APOA4: variants seen among roughly 807,000 people sequenced by gnomAD.
APOA4 encodes apolipoprotein A-IV.
APOA4 carries 25 observed loss-of-function variants against 33.6 expected under a neutral mutation model. That is an observed-to-expected ratio of 0.74 (90% CI 0.54 to 1.04). The LOEUF (loss-of-function observed/expected upper bound fraction) is 1.04, where lower values mean the gene tolerates loss of function less well. Ranked by LOEUF, APOA4 falls within the 50% of genes least tolerant of loss-of-function variation. The pLI is 0.00. For synonymous variants in APOA4, 228 were observed against 224.0 expected (o/e 1.02, Z -0.16); for missense variants, 549 against 510.4 (o/e 1.08, Z -0.73).
Position 116,821,514 on chromosome 11 carries a change from G to A in APOA4, c.544C>T (p.His182Tyr), listed in dbSNP as rs1236609922. The A allele has an allele frequency of 2.5e-6, 4 of 1,613,854 alleles. No homozygotes were observed. In the East Asian group the frequency reaches 8.9e-5, roughly 36 times the overall value. ...ADSLQASLRP[H>Y]ADELKAKIDQ... ...ATCTTGGCCTTGAGCTCGTCGGCGTGGGGCCTCAGCGAGGCCTGCAGGCTG... is the reference window on the plus strand; with the variant it reads ...ATCTTGGCCTTGAGCTCGTCGGCGTAGGGCCTCAGCGAGGCCTGCAGGCTG... The change falls in exon 3 of 3, where the codon CAC (histidine) becomes TAC (tyrosine). Residue 182 changes from histidine to tyrosine, a missense_variant. His to Tyr is a moderately conservative substitution (Grantham distance 83). Transcript: ENST00000357780.
intron 1 of APOA4, 87 bp from the exon 2 acceptor site, chr11:116,822,872 T>G (rs1020894988): frequency 1.3e-5 from 21 of 1,596,712 alleles, no homozygotes; most frequent in Non-Finnish European, 1.5e-5. Context: ...TGGATGATGG[T>G]GGGGGTGCCT....
In APOA4 at chr11:116,821,287, C is replaced by G. The variant is rs759262005; in HGVS notation, c.771G>C (p.Ser257=). ...TCTGCCGCAGCTCCTCGGCACTGGCCGAGATCCTGGCCTTGAGCTCCTCGG... is the reference window on the plus strand; with the variant it reads ...TCTGCCGCAGCTCCTCGGCACTGGCGGAGATCCTGGCCTTGAGCTCCTCGG... ...KNAEELKARI[S]ASAEELRQRL... Residue 257 remains serine, a synonymous_variant, in exon 3 of 3, where the codon TCG becomes TCC. Coordinates refer to ENST00000357780, the MANE Select transcript of APOA4 (RefSeq NM_000482.4). 1.2e-6 allele frequency: 2 copies of G among 1,613,668 alleles called. No individual in the cohort carries two copies. The highest frequency in any genetic ancestry group is 1.7e-6 in the Non-Finnish European group (2 of 1,180,012).
In APOA4 at chr11:116,821,199, TC is replaced by T; in HGVS notation, c.858del (p.Lys287SerfsTer54). 6.2e-7 allele frequency: 1 copy of T among 1,613,340 alleles called. No individual in the cohort carries two copies. The highest frequency in any genetic ancestry group is 1.7e-5 in the Admixed American group (1 of 60,028). On this transcript the variant is annotated frameshift_variant, in exon 3 of 3. Transcript: ENST00000357780. LOFTEE classifies it high-confidence loss of function. ...TGCCCACCCAGCTCTGCCAGTGACTTCTGCAGCCCCTCGGTGTTGCCCCTCA... is the reference window on the plus strand; with the variant it reads ...TGCCCACCCAGCTCTGCCAGTGACTTTGCAGCCCCTCGGTGTTGCCCCTCA... The part of the protein sequence containing the change: ...GNLRGNTEGL[Q>X]KSLAELGGHL...
rs1336868216 is a variant in APOA4 at position 116,821,321 on chromosome 11, T to C, written c.737A>G (p.Lys246Arg). 2 of 1,614,042 alleles carry C rather than the reference T, an allele frequency of 1.2e-6. No individual in the cohort carries two copies. The highest frequency in any genetic ancestry group is 1.7e-6 in the Non-Finnish European group (2 of 1,179,996). Residue 246 changes from lysine to arginine, a missense_variant, in exon 3 of 3, where the codon AAG (lysine) becomes AGG (arginine). Lys to Arg is a conservative substitution (Grantham distance 26). Coordinates refer to ENST00000357780, the MANE Select transcript of APOA4 (RefSeq NM_000482.4). ...HQLEGLTFQM[K>R]KNAEELKARI... Reference sequence around the variant, plus strand: ...GGCCTTGAGCTCCTCGGCGTTCTTCTTCATCTGGAAGGTCAGGCCCTCAAG... The same window carrying C: ...GGCCTTGAGCTCCTCGGCGTTCTTCCTCATCTGGAAGGTCAGGCCCTCAAG...
At chr11:116,822,304 C>T (rs1477784475) in intron 2 of APOA4, among the ~76,000 whole-genome samples, 2 of 152,104 alleles carry the variant, frequency 1.3e-5, no homozygotes, top group Non-Finnish European at 2.9e-5. Context: ...CCAGGGGCCT[C>T]CCAAATATTC....
rs780328988 is a variant in APOA4, at chr11:116,821,319, T to C, written c.739A>G (p.Lys247Glu). 109 of 1,613,902 alleles carry C rather than the reference T, an allele frequency of 6.8e-5. No homozygotes were observed. The highest frequency in any genetic ancestry group is 8.1e-5 in the Non-Finnish European group (96 of 1,180,008). Reference protein sequence around the residue: ...QLEGLTFQMKKNAEELKARIS... With the variant: ...QLEGLTFQMKENAEELKARIS... ...CTGGCCTTGAGCTCCTCGGCGTTCT[T>C]CTTCATCTGGAAGGTCAGGCCCTCA... The change falls in exon 3 of 3, where the codon AAG becomes GAG. Residue 247 changes from lysine to glutamate, a missense_variant. By Grantham distance (56) the Lys-to-Glu change is moderately conservative. Coordinates refer to ENST00000357780, the MANE Select transcript of APOA4 (RefSeq NM_000482.4).
intron 2 of APOA4, 127 bp downstream of exon 2, chr11:116,822,532 G>A: frequency 7.1e-7 from 1 of 1,415,318 alleles, no homozygotes; most frequent in South Asian, 1.2e-5. Context: ...CAGAGGCCCG[G>A]CCAGTTAGTG....
Position 116,821,185 on chromosome 11 carries a change from C to T in APOA4, c.873G>A (p.Glu291=). Residue 291 remains glutamate (E), a synonymous_variant, in exon 3 of 3, where the codon GAG becomes GAA. Transcript: ENST00000357780. ...CCTGCTGGTCCAGGTGCCCACCCAG[C>T]TCTGCCAGTGACTTCTGCAGCCCCT... ...NTEGLQKSLA[E]LGGHLDQQVE... is the part of the protein sequence containing the mutation. 1 of 1,613,480 alleles carries T rather than the reference C, an allele frequency of 6.2e-7. No individual in the cohort carries two copies. The highest frequency in any genetic ancestry group is 8.5e-7 in the Non-Finnish European group (1 of 1,180,034).
chr11:116,821,619 T>C lies in APOA4; in HGVS notation c.439A>G (p.Ser147Gly). 1 of 1,610,514 alleles carries C rather than the reference T, an allele frequency of 6.2e-7. No homozygotes were observed. Among genetic ancestry groups the C allele is most frequent in the Admixed American group, 1.7e-5 (1 of 59,896 alleles). Reference sequence around the variant, plus strand: ...CGCCGCAGCTGCTCGGCCTGCGTGCTGACCTGGGTGCGCAGCTGGTCCGCG... The same window carrying C: ...CGCCGCAGCTGCTCGGCCTGCGTGCCGACCTGGGTGCGCAGCTGGTCCGCG... ...PYADQLRTQV[S>G]TQAEQLRRQL... Residue 147 changes from serine to glycine, a missense_variant, in exon 3 of 3, where the codon AGC (serine) becomes GGC (glycine). Physicochemically the swap from Ser to Gly is moderately conservative, Grantham distance 56. Transcript: ENST00000357780.
rs1244056796 is a variant in APOA4, at chr11:116,823,294, C to A, written c.-103G>T. 4.4e-6 allele frequency: 6 copies of A among 1,372,080 alleles called. No homozygotes were observed. The highest frequency in any genetic ancestry group is 5.2e-6 in the Non-Finnish European group (5 of 961,002). 85.0% of individuals were successfully genotyped at this position (1,372,080 alleles called of 1,614,324 possible). A position where few individuals can be genotyped will look rare whatever the true frequency, so the allele number is the denominator to read the frequency against. On this transcript the variant is annotated 5_prime_UTR_variant, in exon 1 of 3. Coordinates refer to ENST00000357780, the MANE Select transcript of APOA4 (RefSeq NM_000482.4). ...TCCTCAGGAGAGCTCACCTGCGCTG[C>A]AGTGGGAACTGACTGAAGCTCAGAG...
chr11:116,822,846 G>C, intron 1 of APOA4, 61 bp from the exon 2 acceptor site: 10 of 1,609,998 alleles, frequency 6.2e-6, no homozygotes, highest in Non-Finnish European at 7.6e-6. Flanking sequence ...CTCTGCTCCA[G>C]CTCTGAGCTG....
Position 116,820,941 on chromosome 11 carries a change from G to T in APOA4, c.1117C>A (p.Leu373Met). The T allele has an allele frequency of 6.2e-7, 1 of 1,614,242 alleles. No individual in the cohort carries two copies. The highest frequency in any genetic ancestry group is 1.6e-4 in the Middle Eastern group (1 of 6,062). The change falls in exon 3 of 3, where the codon CTG becomes ATG. Residue 373 changes from leucine to methionine, a missense_variant. Coordinates refer to ENST00000357780, the MANE Select transcript of APOA4 (RefSeq NM_000482.4). ...TGCTGCTGTTCCTGCTGTTGCTCCA[G>T]CTCAGGGAGGGAGAGAGTCTTGTCC... is the stretch of plus-strand genomic sequence containing the variant. ...SQDKTLSLPE[L>M]EQQQEQQQEQ...
Position 116,821,475 on chromosome 11 carries a change from C to G in APOA4, c.583G>C (p.Glu195Gln). ...GGCGTAAGGCGTCCCTTGAGCTCCT[C>G]CACGTTCTGGTCGATCTTGGCCTTG... Reference protein sequence around the residue: ...ELKAKIDQNVEELKGRLTPYA... With the variant: ...ELKAKIDQNVQELKGRLTPYA... The change falls in exon 3 of 3, where the codon GAG becomes CAG. Residue 195 changes from glutamate to glutamine, a missense_variant. By Grantham distance (29) the Glu-to-Gln change is conservative. Coordinates refer to ENST00000357780, the MANE Select transcript of APOA4 (RefSeq NM_000482.4). 6.2e-7 allele frequency: 1 copy of G among 1,614,168 alleles called. No individual in the cohort carries two copies. Among genetic ancestry groups the G allele is most frequent in the Non-Finnish European group, 8.5e-7 (1 of 1,180,020 alleles).
Position 116,821,630 on chromosome 11 carries a change from C to A in APOA4, c.428G>T (p.Arg143Leu). The stretch of plus-strand genomic sequence containing the variant: ...CTCGGCCTGCGTGCTGACCTGGGTG[C>A]GCAGCTGGTCCGCGTAGGGCTCCAG... ...QRLEPYADQLRTQVSTQAEQL... is the reference protein window; with the variant it reads ...QRLEPYADQLLTQVSTQAEQL... Residue 143 changes from arginine (R) to leucine (L), a missense_variant, in exon 3 of 3, where the codon CGC (arginine) becomes CTC (leucine). Coordinates refer to ENST00000357780, the MANE Select transcript of APOA4 (RefSeq NM_000482.4). 1 of 1,610,176 alleles carries A rather than the reference C, an allele frequency of 6.2e-7. No homozygotes were observed. Among genetic ancestry groups the A allele is most frequent in the Non-Finnish European group, 8.5e-7 (1 of 1,178,274 alleles).
At position 116,821,784 on chromosome 11, in the gene APOA4, C is replaced by T. The variant is rs974983632; in HGVS notation, c.274G>A (p.Ala92Thr). The T allele has an allele frequency of 1.9e-5, 30 of 1,586,284 alleles. No homozygotes were observed. The highest frequency in any genetic ancestry group is 8.3e-5 in the Admixed American group (5 of 59,978). ...TCCTTCAGTTTCTCCGAGTCCTTGGCCAGGCGTTCATGCAGCTCGGTGGCA... is the reference window on the plus strand; with the variant it reads ...TCCTTCAGTTTCTCCGAGTCCTTGGTCAGGCGTTCATGCAGCTCGGTGGCA... ...PFATELHERL[A>T]KDSEKLKEEI... Residue 92 changes from alanine (A) to threonine (T), a missense_variant, in exon 3 of 3, where the codon GCC becomes ACC. By Grantham distance (58) the Ala-to-Thr change is moderately conservative. Coordinates refer to ENST00000357780, the MANE Select transcript of APOA4 (RefSeq NM_000482.4).
chr11:116,821,296 G>A lies in APOA4; in HGVS notation c.762C>T (p.Ala254=). ...GCTCCTCGGCACTGGCCGAGATCCT[G>A]GCCTTGAGCTCCTCGGCGTTCTTCT... ...QMKKNAEELK[A]RISASAEELR... Residue 254 remains alanine (A), a synonymous_variant, in exon 3 of 3, where the codon GCC becomes GCT. Coordinates refer to ENST00000357780, the MANE Select transcript of APOA4 (RefSeq NM_000482.4). 1 of 1,613,844 alleles carries A rather than the reference G, an allele frequency of 6.2e-7. No individual in the cohort carries two copies. The highest frequency in any genetic ancestry group is 8.5e-7 in the Non-Finnish European group (1 of 1,180,030).
rs139762470 is a variant in APOA4 at position 116,821,642 on chromosome 11, G to A, written c.416C>T (p.Ala139Val). The change falls in exon 3 of 3, where the codon GCG (alanine) becomes GTG (valine). Residue 139 changes from alanine to valine, a missense_variant. Physicochemically the swap from Ala to Val is moderately conservative, Grantham distance 64 (BLOSUM62 0). Coordinates refer to ENST00000357780, the MANE Select transcript of APOA4 (RefSeq NM_000482.4). ...RELQQRLEPY[A>V]DQLRTQVSTQ... is the part of the protein sequence containing the mutation. The stretch of plus-strand genomic sequence containing the variant: ...GCTGACCTGGGTGCGCAGCTGGTCC[G>A]CGTAGGGCTCCAGGCGCTGCTGAAG... The A allele has an allele frequency of 8.7e-6, 14 of 1,610,404 alleles. No homozygotes were observed. In the South Asian group the frequency reaches 1.1e-4, roughly 13 times the overall value.
Position 116,821,092 on chromosome 11 carries a change from C to T in APOA4, c.966G>A (p.Met322Ile), listed in dbSNP as rs1941314390. 1 of 1,614,022 alleles carries T rather than the reference C, an allele frequency of 6.2e-7. No individual in the cohort carries two copies. The highest frequency in any genetic ancestry group is 8.5e-7 in the Non-Finnish European group (1 of 1,180,046). The change falls in exon 3 of 3, where the codon ATG becomes ATA. Residue 322 changes from methionine (M) to isoleucine (I), a missense_variant. Coordinates refer to ENST00000357780, the MANE Select transcript of APOA4 (RefSeq NM_000482.4). ...GGCCCAGTTTCTGCCTGAGCTGTTC[C>T]ATCTGCTGCACCAGGGCTTTGTTGA... ...ENFNKALVQQ[M>I]EQLRQKLGPH... is the part of the protein sequence containing the mutation.
rs770545262 is a variant in APOA4 at position 116,821,279 on chromosome 11, G to C, written c.779C>G (p.Ala260Gly). ...EELKARISAS[A>G]EELRQRLAPL... ...CGCCAGCCTCTGCCGCAGCTCCTCG[G>C]CACTGGCCGAGATCCTGGCCTTGAG... Residue 260 changes from alanine to glycine, a missense_variant, in exon 3 of 3, where the codon GCC (alanine) becomes GGC (glycine). Ala to Gly is a moderately conservative substitution (Grantham distance 60). Transcript: ENST00000357780. The C allele has an allele frequency of 1.2e-6, 2 of 1,613,586 alleles. No individual in the cohort carries two copies. Among genetic ancestry groups the C allele is most frequent in the African/African-American group, 1.3e-5 (1 of 75,044 alleles).
Sources: allele counts gnomAD v4.1 joint callset (sites outside exome capture counted in the v4.1 genomes callset), GRCh38; gene constraint gnomAD v4.1.1; transcripts MANE v1.5; gene names NCBI Gene and HGNC (gene_info 2026-07-23, HGNC 2026-07-21).